The following ARFIP1 variants were observed in gnomAD, a reference collection of about 807,000 sequenced individuals.
ARFIP1 encodes the protein ARF interacting protein 1, also known as arfaptin-1.
Under a neutral mutation model 42.5 loss-of-function variants are expected in ARFIP1, and 24 were observed. The observed-to-expected ratio is 0.57, with a 90% CI of 0.41 to 0.80. The LOEUF (loss-of-function observed/expected upper bound fraction) is 0.80, where lower values mean the gene tolerates loss of function less well. ARFIP1 is among the 30% of genes least tolerant of loss of function. The pLI is 0.00. For missense variants in ARFIP1, 354 were observed against 434.0 expected (o/e 0.82, Z 1.64); for synonymous variants, 141 against 153.7 (o/e 0.92, Z 0.61).
chr4:152,882,725 A>G lies in ARFIP1; in HGVS notation c.636A>G (p.Glu212=). The G allele has an allele frequency of 6.2e-7, 1 of 1,612,420 alleles. No individual in the cohort carries two copies. Among genetic ancestry groups the G allele is most frequent in the Non-Finnish European group, 8.5e-7 (1 of 1,179,280 alleles). Residue 212 remains glutamate (E), a splice_region_variant and synonymous_variant, in exon 7 of 9, where the codon GAA becomes GAG. Transcript: ENST00000353617. Reference sequence around the variant, plus strand: ...TTAAGGTGACTTCTTTGTTTTAGGAAGAATTTGGCTATAATGCCGATACCC... The same window carrying G: ...TTAAGGTGACTTCTTTGTTTTAGGAGGAATTTGGCTATAATGCCGATACCC... The part of the protein sequence containing the change: ...DLSLKSLELH[E]EFGYNADTQK...
chr4:152,793,324 A>AAAAG (rs1731241607), intron 1 of ARFIP1, among the ~76,000 whole-genome samples: 1 of 147,214 alleles, frequency 6.8e-6, no homozygotes, highest in Admixed American at 6.8e-5. Context: ...AAAAAAAAAA[A>AAAAG]ATGATATATA....
intron 4 of ARFIP1, 34 bp downstream of exon 4, chr4:152,870,882 T>G: frequency 6.6e-7 from 1 of 1,517,086 alleles, no homozygotes; most frequent in East Asian, 2.3e-5. Context: ...AAGCACTTAT[T>G]GCTACTGCTG....
chr4:152,881,240 CT>C, intron 6 of ARFIP1, 56 bp downstream of exon 6: 1 of 1,318,322 alleles, frequency 7.6e-7, no homozygotes. Flanking sequence ...TAGAAGTATT[CT>C]AAGAGGTAAT....
Position 152,882,899 on chromosome 4 carries a change from C to CT in ARFIP1, c.791+20dup, listed in dbSNP as rs1178111636. The CT allele has an allele frequency of 5.0e-6, 8 of 1,587,414 alleles. No individual in the cohort carries two copies. Among genetic ancestry groups the CT allele is most frequent in the Non-Finnish European group, 6.8e-6 (8 of 1,169,406 alleles). On this transcript the variant is annotated intron_variant, in intron 7 of 8. Transcript: ENST00000353617. The stretch of plus-strand genomic sequence containing the variant: ...GTGCCAGGTAAGGTATACATTTTCA[C>CT]TGTGTTGTCTGTTTTACAGATGGCA...
chr4:152,872,420 G>A, intron 4 of ARFIP1, 32 bp from the exon 5 acceptor site: 1 of 1,396,418 alleles, frequency 7.2e-7, no homozygotes. Context: ...GTCTTCATCT[G>A]GATTGTGTTT....
At chr4:152,886,131 G>T (rs1160067005) in intron 7 of ARFIP1, among the ~76,000 whole-genome samples, 3 of 151,830 alleles carry the variant, frequency 2.0e-5, no homozygotes, top group Non-Finnish European at 4.4e-5. Flanking sequence ...CAATGCCTTT[G>T]TCCTGATTCA....
At chr4:152,868,146 A>G (rs1734562905) in intron 3 of ARFIP1, among the ~76,000 whole-genome samples, 1 of 152,264 alleles carries the variant, frequency 6.6e-6, no homozygotes, top group Non-Finnish European at 1.5e-5. Context: ...TTAAAAAGTT[A>G]TACTTAAATT....
intron 5 of ARFIP1, among the ~76,000 whole-genome samples, chr4:152,878,709 C>T (rs959206972): frequency 4.6e-5 from 7 of 152,176 alleles, no homozygotes; most frequent in South Asian, 2.1e-4. Context: ...TAATTCTTCA[C>T]CTCTATGCCT....
rs138526448 is a variant in ARFIP1, at chr4:152,859,833, A to G, written c.94-3773A>G. Among the ~76,000 whole-genome samples, 13 of 149,756 alleles carry G rather than the reference A, an allele frequency of 8.7e-5. No individual in the cohort carries two copies. The East Asian group carries it at 1.9e-3, about 22-fold the overall frequency. On this transcript the variant is annotated intron_variant, in intron 2 of 8. Transcript: ENST00000353617. ...CAGATCTCTCCGACTTGTAAATTCT[A>G]TCTAGTTGCCCTGTTTAAAGTCACT...
intron 8 of ARFIP1, among the ~76,000 whole-genome samples, chr4:152,889,226 AT>A (rs2149897825): frequency 6.6e-6 from 1 of 152,088 alleles, no homozygotes; most frequent in South Asian, 2.1e-4. Flanking sequence ...TCAGTATCTT[AT>A]TGTTTTCTTT....
chr4:152,859,418 TA>T (rs1733701345), intron 2 of ARFIP1, among the ~76,000 whole-genome samples: 1 of 152,198 alleles, frequency 6.6e-6, no homozygotes, highest in Non-Finnish European at 1.5e-5. Context: ...GTACAGTAGG[TA>T]ACCAATCATG....
At chr4:152,908,891 A>AGTGTGT (rs58362465) in intron 8 of ARFIP1, among the ~76,000 whole-genome samples, 2,899 of 132,524 alleles carry the variant, frequency 0.022, 55 homozygotes, top group East Asian at 0.052. Context: ...GCTAGAGAGA[A>AGTGTGT]GTGTGTGTGT....
intron 1 of ARFIP1, among the ~76,000 whole-genome samples, chr4:152,818,239 A>G (rs1730065061): frequency 6.6e-6 from 1 of 152,228 alleles, no homozygotes; most frequent in Non-Finnish European, 1.5e-5. Context: ...AGCAGCAGGC[A>G]GTAGCCTACA....
intron 7 of ARFIP1, among the ~76,000 whole-genome samples, chr4:152,883,825 C>A (rs533048507): frequency 2.6e-4 from 39 of 151,720 alleles, no homozygotes; most frequent in African/African-American, 9.4e-4. Context: ...TCATTCTAGT[C>A]CCTTTTGAGG....
intron 1 of ARFIP1, among the ~76,000 whole-genome samples, chr4:152,802,155 G>A (rs182121031): frequency 1.2e-3 from 180 of 151,962 alleles, no homozygotes; most frequent in Non-Finnish European, 2.2e-3. Flanking sequence ...TTCTTTTTTC[G>A]TAGGCAAAAA....
At chr4:152,903,383 T>C (rs950621241) in intron 8 of ARFIP1, among the ~76,000 whole-genome samples, 1 of 152,132 alleles carries the variant, frequency 6.6e-6, no homozygotes, top group Non-Finnish European at 1.5e-5. Context: ...AGATAAATTA[T>C]CTGTTTTGTT....
intron 1 of ARFIP1, among the ~76,000 whole-genome samples, chr4:152,804,468 A>T (rs1211016623): frequency 9.3e-6 from 1 of 107,974 alleles, no homozygotes; most frequent in South Asian, 2.6e-4. Context: ...ATAATATATA[A>T]TATATATAAT....
intron 2 of ARFIP1, among the ~76,000 whole-genome samples, chr4:152,841,369 T>G (rs1330167659): frequency 1.3e-5 from 2 of 152,208 alleles, no homozygotes; most frequent in Non-Finnish European, 2.9e-5. Flanking sequence ...TTTAGACCAT[T>G]TGTATTCAAT....
intron 2 of ARFIP1, among the ~76,000 whole-genome samples, chr4:152,840,454 A>G (rs938506874): frequency 6.6e-6 from 1 of 152,198 alleles, no homozygotes; most frequent in African/African-American, 2.4e-5. Flanking sequence ...ATATTTGTGT[A>G]GGATTGTGAT....
Sources: gnomAD v4.1 joint callset for allele counts (sites outside exome capture counted in the v4.1 genomes callset) on GRCh38, gnomAD v4.1.1 for gene constraint, MANE v1.5 for transcripts, NCBI Gene and HGNC (gene_info 2026-07-23, HGNC 2026-07-21) for gene names.